Variants in OXCT1 observed in about 807,000 individuals in gnomAD.
The protein encoded by OXCT1 is 3-oxoacid CoA-transferase 1, also known as succinyl-CoA:3-ketoacid coenzyme A transferase 1, mitochondrial.
OXCT1 carries 27 observed loss-of-function variants against 69.6 expected under a neutral mutation model. The observed-to-expected ratio is 0.39, with a 90% confidence interval of 0.29 to 0.54. OXCT1 has a LOEUF of 0.54. Ranked by LOEUF, OXCT1 falls within the 20% of genes least tolerant of loss-of-function variation. The pLI, the probability that OXCT1 is intolerant of heterozygous loss-of-function variation, is 0.72. For synonymous variants in OXCT1, 202 were observed against 217.8 expected (o/e 0.93, Z 0.64); for missense variants, 437 against 650.2 (o/e 0.67, Z 3.57).
At chr5:41,798,448 T>A (rs1365937939) in intron 11 of OXCT1, among the ~76,000 whole-genome samples, 1 of 152,112 alleles carries the variant, frequency 6.6e-6, no homozygotes, top group Non-Finnish European at 1.5e-5. Flanking sequence ...GGGATGTTTA[T>A]CAGCATCCCT....
chr5:41,861,350 C>A lies in OXCT1; in HGVS notation c.242G>T (p.Gly81Val), dbSNP rs1374264886. 6.2e-7 allele frequency: 1 copy of A among 1,612,326 alleles called. No individual in the cohort carries two copies. Among genetic ancestry groups the A allele is most frequent in the Non-Finnish European group, 8.5e-7 (1 of 1,178,778 alleles). ...ENLIDALLKT[G>V]VKGLTAVSNN... The stretch of plus-strand genomic sequence containing the variant: ...GCTGACTGCAGTTAGTCCTTTTACT[C>A]CAGTTTTCAGTAAAGCATCTATAAG... The change falls in exon 3 of 17, where the codon GGA becomes GTA. Residue 81 changes from glycine to valine, a missense_variant. Physicochemically the swap from Gly to Val is moderately radical, Grantham distance 109. Transcript: ENST00000196371.
intron 5 of OXCT1, among the ~76,000 whole-genome samples, chr5:41,845,942 C>A (rs1323215123): frequency 6.6e-6 from 1 of 151,860 alleles, no homozygotes; most frequent in Non-Finnish European, 1.5e-5. Flanking sequence ...TAAAAATGTA[C>A]AAAATATGCT....
At position 41,840,440 on chromosome 5, in the gene OXCT1, T is replaced by C. The variant is rs755176111; in HGVS notation, c.732+11A>G. The C allele has an allele frequency of 3.1e-6, 5 of 1,599,298 alleles. No individual in the cohort carries two copies. The highest frequency in any genetic ancestry group is 3.4e-6 in the Non-Finnish European group (4 of 1,166,836). ...ATAATTAACACCAAGAATTCAAAAA[T>C]AACCTCTTACCTCTACCACTGTGGT... On this transcript the variant is annotated intron_variant, in intron 7 of 16. Transcript: ENST00000196371.
At chr5:41,841,237 A>G (rs922688342) in intron 6 of OXCT1, among the ~76,000 whole-genome samples, 6 of 152,172 alleles carry the variant, frequency 3.9e-5, no homozygotes, top group Admixed American at 2.0e-4. Context: ...CTTTGGTAAA[A>G]GGAAGTAAGT....
chr5:41,731,580 C>A lies in OXCT1; in HGVS notation c.*149G>T. 3 of 1,139,958 alleles carry A rather than the reference C, an allele frequency of 2.6e-6. No individual in the cohort carries two copies. Among genetic ancestry groups the A allele is most frequent in the Non-Finnish European group, 2.5e-6 (2 of 799,650 alleles). The allele number at this position is 1,139,958 out of a possible 1,614,324, so 70.6% of individuals were successfully genotyped here. ...AAAATGTCACAGCATGCCTAGAGAACAGTTTATATGGCTGCATAAAGTCTG... is the reference window on the plus strand; with the variant it reads ...AAAATGTCACAGCATGCCTAGAGAAAAGTTTATATGGCTGCATAAAGTCTG... On this transcript the variant is annotated 3_prime_UTR_variant, in exon 17 of 17. Transcript: ENST00000196371.
rs375270747 is a variant in OXCT1 at position 41,744,927 on chromosome 5, C to A, written c.1419+4600G>T. On this transcript the variant is annotated intron_variant, in intron 15 of 16. Transcript: ENST00000196371. Reference sequence around the variant, plus strand: ...GGAGCACCCAGTCCTTAGAGACCTACAAAGAGACTTAGACTGCCACACAAT... The same window carrying A: ...GGAGCACCCAGTCCTTAGAGACCTAAAAAGAGACTTAGACTGCCACACAAT... Among the ~76,000 whole-genome samples the A allele has an allele frequency of 1.8e-4, 28 of 152,224 alleles. No individual in the cohort carries two copies. The East Asian group carries it at 2.5e-3, about 14-fold the overall frequency.
At chr5:41,757,000 C>T (rs1744108567) in intron 14 of OXCT1, among the ~76,000 whole-genome samples, 1 of 151,912 alleles carries the variant, frequency 6.6e-6, no homozygotes, top group Non-Finnish European at 1.5e-5. Context: ...AGTCTACAAA[C>T]CATGGAAGTC....
intron 5 of OXCT1, chr5:41,843,708 G>A: frequency 8.8e-6 from 3 of 340,414 alleles, no homozygotes; most frequent in South Asian, 2.2e-5. Flanking sequence ...ACCCCCTAGT[G>A]GAAAAACAGA....
At chr5:41,832,231 C>CA (rs1370254666) in intron 7 of OXCT1, among the ~76,000 whole-genome samples, 1 of 152,110 alleles carries the variant, frequency 6.6e-6, no homozygotes, top group Non-Finnish European at 1.5e-5. Context: ...GGGCAAAACC[C>CA]AGTGCTGTGC....
At chr5:41,760,436 A>G (rs965491753) in intron 14 of OXCT1, among the ~76,000 whole-genome samples, 2 of 152,114 alleles carry the variant, frequency 1.3e-5, no homozygotes, top group African/African-American at 4.8e-5. Context: ...GAAAGCTTTA[A>G]TAAGATATTT....
intron 15 of OXCT1, among the ~76,000 whole-genome samples, chr5:41,741,770 A>G (rs1048858596): frequency 1.1e-4 from 16 of 152,252 alleles, no homozygotes; most frequent in Admixed American, 3.9e-4. Context: ...AAAATATTTC[A>G]GTAAACTTTC....
At chr5:41,777,544 C>T (rs964531548) in intron 13 of OXCT1, among the ~76,000 whole-genome samples, 2 of 152,186 alleles carry the variant, frequency 1.3e-5, no homozygotes, top group Admixed American at 1.3e-4. Context: ...ATAAAAGATG[C>T]TTCCTATTTT....
intron 7 of OXCT1, among the ~76,000 whole-genome samples, chr5:41,824,123 T>G (rs915716173): frequency 1.3e-5 from 2 of 152,154 alleles, no homozygotes; most frequent in Admixed American, 1.3e-4. Flanking sequence ...AACATAAGCT[T>G]TAGAGGCACA....
chr5:41,815,678 T>G (rs957350026), intron 7 of OXCT1, among the ~76,000 whole-genome samples: 1 of 152,186 alleles, frequency 6.6e-6, no homozygotes, highest in African/African-American at 2.4e-5. Context: ...ATCTAACATG[T>G]TCATTCAAAG....
intron 5 of OXCT1, among the ~76,000 whole-genome samples, chr5:41,848,568 A>G (rs943580553): frequency 6.8e-6 from 1 of 146,850 alleles, no homozygotes; most frequent in Non-Finnish European, 1.5e-5. Flanking sequence ...ACAGCATGGT[A>G]CTGGTACCAA....
At chr5:41,840,284 A>C (rs1052173464) in intron 7 of OXCT1, among the ~76,000 whole-genome samples, 167 bp downstream of exon 7, 1 of 152,026 alleles carries the variant, frequency 6.6e-6, no homozygotes, top group African/African-American at 2.4e-5. Context: ...AAGTTACAGC[A>C]AAATTTTAAC....
At chr5:41,754,187 G>T (rs1033489607) in intron 14 of OXCT1, among the ~76,000 whole-genome samples, 1 of 104,018 alleles carries the variant, frequency 9.6e-6, no homozygotes, top group Non-Finnish European at 2.1e-5. Flanking sequence ...CTTGGCAAGA[G>T]AATATTAAAT....
At chr5:41,814,592 G>A (rs1238752351) in intron 7 of OXCT1, among the ~76,000 whole-genome samples, 1 of 151,728 alleles carries the variant, frequency 6.6e-6, no homozygotes, top group Non-Finnish European at 1.5e-5. Context: ...GGATGAAATT[G>A]GAAATCATCA....
At chr5:41,819,134 C>A (rs1414087940) in intron 7 of OXCT1, among the ~76,000 whole-genome samples, 1 of 152,010 alleles carries the variant, frequency 6.6e-6, no homozygotes, top group East Asian at 1.9e-4. Flanking sequence ...ATATTCTTAA[C>A]ACAAACATGA....
Sources: allele counts gnomAD v4.1 joint callset (sites outside exome capture counted in the v4.1 genomes callset), GRCh38; gene constraint gnomAD v4.1.1; transcripts MANE v1.5; gene names NCBI Gene and HGNC (gene_info 2026-07-23, HGNC 2026-07-21).